Variants in INPP5B observed in about 807,000 individuals in gnomAD.
The protein encoded by INPP5B is inositol polyphosphate-5-phosphatase B, also known as type II inositol 1,4,5-trisphosphate 5-phosphatase.
INPP5B carries 90 observed loss-of-function variants against 118.5 expected under a neutral mutation model. That is an observed-to-expected ratio of 0.76 (90% CI 0.64 to 0.90). The LOEUF (loss-of-function observed/expected upper bound fraction) is 0.90, where lower values mean the gene tolerates loss of function less well. Ranked by LOEUF, INPP5B falls within the 40% of genes least tolerant of loss-of-function variation. INPP5B has a pLI of 0.00. For synonymous variants in INPP5B, 385 were observed against 418.9 expected, an observed-to-expected ratio of 0.92 and a Z score of 0.99; for missense variants, 984 against 1,125.6, an observed-to-expected ratio of 0.87 and a Z score of 1.80.
At chr1:37,862,499 G>A (rs534464197) in intron 23 of INPP5B, 69 bp from the exon 24 acceptor site, 3 of 927,588 alleles carry the variant, frequency 3.2e-6, no homozygotes, top group South Asian at 2.6e-5. Flanking sequence ...ATCACTTAAC[G>A]ACAGGGATAT....
intron 7 of INPP5B, among the ~76,000 whole-genome samples, chr1:37,895,491 C>A (rs1643995674): frequency 6.6e-6 from 1 of 151,622 alleles, no homozygotes; most frequent in Admixed American, 6.6e-5. Context: ...CTCCCTCTCC[C>A]CCTCCCCCTC....
rs1156600812 is a variant in INPP5B, at chr1:37,861,108, C to T, written c.*1207G>A. 2 of 152,248 alleles carry T rather than the reference C, an allele frequency of 1.3e-5. No individual in the cohort carries two copies. The highest frequency in any genetic ancestry group is 2.4e-5 in the African/African-American group (1 of 41,462). The allele number at this position is 152,248 out of a possible 1,614,324, so 9.4% of individuals were successfully genotyped here. A position where few individuals can be genotyped will look rare whatever the true frequency, so the allele number is the denominator to read the frequency against. On this transcript the variant is annotated 3_prime_UTR_variant, in exon 24 of 24. Coordinates refer to ENST00000373024, the MANE Select transcript of INPP5B (RefSeq NM_005540.3). ...TCTCCCAAAGTGCCGAGATTACAGG[C>T]GTGAGCCACTGTGCCTGGTCATTTT...
chr1:37,871,596 CCTCT>C (rs748951478), intron 19 of INPP5B, among the ~76,000 whole-genome samples: 6 of 152,104 alleles, frequency 3.9e-5, no homozygotes, highest in Admixed American at 2.0e-4. Flanking sequence ...GGTGAAACTC[CCTCT>C]CTATTAAAAA....
Position 37,891,451 on chromosome 1 carries a change from C to T in INPP5B, c.536G>A (p.Gly179Asp). 4 of 1,608,246 alleles carry T rather than the reference C, an allele frequency of 2.5e-6. No homozygotes were observed. Among genetic ancestry groups the T allele is most frequent in the Non-Finnish European group, 2.6e-6 (3 of 1,174,814 alleles). Reference sequence around the variant, plus strand: ...TGGTCTCAAACCATCAAAGTTAGAACCACCTAAAGGGAAGGAGAAGAAATT... The same window carrying T: ...TGGTCTCAAACCATCAAAGTTAGAATCACCTAAAGGGAAGGAGAAGAAATT... The part of the protein sequence containing the change: ...WPGYATIGGG[G>D]SNFDGLRPNG... Residue 179 changes from glycine to aspartate, a missense_variant, in exon 8 of 24, where the codon GGT becomes GAT. Transcript: ENST00000373024.
chr1:37,907,247 G>T lies in INPP5B; in HGVS notation c.533-15793C>A, dbSNP rs975635578. On this transcript the variant is annotated intron_variant, in intron 7 of 23. Transcript: ENST00000373024. The surrounding 1 kb of genome is among the most constrained non-coding windows in gnomAD (Gnocchi z 4.3). ...AGCTTACTGAATGTTTTCTTAAATTGAACACTTATTAATCTTCCAGATATT... is the reference window on the plus strand; with the variant it reads ...AGCTTACTGAATGTTTTCTTAAATTTAACACTTATTAATCTTCCAGATATT... 1.3e-5 allele frequency among the ~76,000 whole-genome samples: 2 copies of T among 152,142 alleles called. No homozygotes were observed. The highest frequency in any genetic ancestry group is 2.9e-5 in the Non-Finnish European group (2 of 68,030).
intron 6 of INPP5B, among the ~76,000 whole-genome samples, chr1:37,936,632 C>A (rs1456017704): frequency 6.6e-6 from 1 of 151,938 alleles, no homozygotes; most frequent in African/African-American, 2.4e-5. Context: ...CTACATGAAG[C>A]CTTCCTGGGC....
chr1:37,938,868 C>A (rs1447938603), intron 6 of INPP5B, among the ~76,000 whole-genome samples: 2 of 152,054 alleles, frequency 1.3e-5, no homozygotes, highest in Non-Finnish European at 2.9e-5. Flanking sequence ...ACCACCCTGA[C>A]CAACGTGGTG....
intron 6 of INPP5B, among the ~76,000 whole-genome samples, chr1:37,936,919 A>G (rs1329709306): frequency 1.3e-5 from 2 of 152,004 alleles, no homozygotes; most frequent in African/African-American, 2.4e-5. Flanking sequence ...TTTACCAGCT[A>G]GGTACTCAGG....
At chr1:37,946,031 G>A (rs1007944135) in intron 2 of INPP5B, among the ~76,000 whole-genome samples, 181 bp from the exon 3 acceptor site, 20 of 152,224 alleles carry the variant, frequency 1.3e-4, no homozygotes, top group Non-Finnish European at 2.8e-4. Context: ...TCTATGAAAT[G>A]AGGATAATAA....
intron 7 of INPP5B, among the ~76,000 whole-genome samples, chr1:37,908,894 T>C (rs545606646): frequency 1.3e-5 from 2 of 152,264 alleles, no homozygotes; most frequent in Non-Finnish European, 1.5e-5. Context: ...ACTTACCTCC[T>C]TCACTATGGG....
chr1:37,917,313 TATATA>T (rs1644906044), intron 7 of INPP5B, among the ~76,000 whole-genome samples: 1 of 13,794 alleles, frequency 7.2e-5, no homozygotes, highest in African/African-American at 1.0e-4. Context: ...AATAATTATA[TATATA>T]TATATATATA....
intron 6 of INPP5B, among the ~76,000 whole-genome samples, chr1:37,932,363 C>CTTTTTTTTTTTTT (rs58150703): frequency 1.0e-4 from 9 of 87,810 alleles, no homozygotes; most frequent in African/African-American, 3.0e-4. Context: ...CTTTTCTTTT[C>CTTTTTTTTTTTTT]TTTTTTTTTT....
At chr1:37,940,050 C>T (rs1231658603) in intron 6 of INPP5B, among the ~76,000 whole-genome samples, 1 of 152,074 alleles carries the variant, frequency 6.6e-6, no homozygotes, top group Non-Finnish European at 1.5e-5. Context: ...TCTCCCATTG[C>T]CACAAAGACA....
chr1:37,935,542 C>G (rs1033913320), intron 6 of INPP5B, among the ~76,000 whole-genome samples: 1 of 151,872 alleles, frequency 6.6e-6, no homozygotes, highest in Non-Finnish European at 1.5e-5. Flanking sequence ...CCCAAACTCA[C>G]TGCCCCCATG....
chr1:37,869,636 C>T (rs967850289), intron 19 of INPP5B, among the ~76,000 whole-genome samples: 1 of 151,960 alleles, frequency 6.6e-6, no homozygotes, highest in Non-Finnish European at 1.5e-5. Context: ...CCCACCACTG[C>T]ACCCAGCTAA....
rs1038882978 is a variant in INPP5B at position 37,887,124 on chromosome 1, C to A, written c.1015-120G>T. 6 of 827,488 alleles carry A rather than the reference C, an allele frequency of 7.3e-6. No individual in the cohort carries two copies. The African/African-American group carries it at 1.0e-4, about 14-fold the overall frequency. 51.3% of individuals were successfully genotyped at this position (827,488 alleles called of 1,614,324 possible). ...GTGTCTCCTTCTCCACACTAGAACA[C>A]AGGTAATCATCTGTTCAATTCACCA... On this transcript the variant is annotated intron_variant, in intron 11 of 23. Transcript: ENST00000373024.
At chr1:37,896,936 T>G (rs1644123456) in intron 7 of INPP5B, among the ~76,000 whole-genome samples, 1 of 118,794 alleles carries the variant, frequency 8.4e-6, no homozygotes, top group Admixed American at 8.5e-5. Flanking sequence ...TACTGGGAAG[T>G]GAGGAGCCAC....
chr1:37,913,699 C>G (rs745345887), intron 7 of INPP5B, among the ~76,000 whole-genome samples: 4 of 152,156 alleles, frequency 2.6e-5, no homozygotes, highest in African/African-American at 4.8e-5. Context: ...TGCTCATTAT[C>G]TCTCCACATC....
At chr1:37,866,906 G>A (rs1357752524) in intron 20 of INPP5B, among the ~76,000 whole-genome samples, 5 of 152,172 alleles carry the variant, frequency 3.3e-5, no homozygotes, top group Admixed American at 2.6e-4. Context: ...ATAAGAGAAC[G>A]CTAACAAGGC....
Sources: gnomAD v4.1 joint callset for allele counts (sites outside exome capture counted in the v4.1 genomes callset) on GRCh38, gnomAD v4.1.1 for gene constraint, Gnocchi (gnomAD v3.1) non-coding constraint, MANE v1.5 for transcripts, NCBI Gene and HGNC (gene_info 2026-07-23, HGNC 2026-07-21) for gene names.